The following CNTN4 variants were observed in gnomAD, a reference collection of about 807,000 sequenced individuals.
CNTN4 encodes contactin 4, also known as contactin-4.
A neutral mutation model predicts 122.5 loss-of-function variants in CNTN4; 77 were observed. The observed-to-expected ratio is 0.63, with a 90% CI of 0.52 to 0.76. The LOEUF (loss-of-function observed/expected upper bound fraction) is 0.76, where lower values mean the gene tolerates loss of function less well. Among genes scored for constraint, CNTN4 ranks in the 30% least tolerant of loss-of-function variants. CNTN4 has a pLI of 0.00. For synonymous variants in CNTN4, 512 were observed against 447.0 expected (o/e 1.15, Z -1.83); for missense variants, 1,256 against 1,259.1 (o/e 1.00, Z 0.04).
chr3:2,404,977 C>T (rs947518775), intron 3 of CNTN4, among the ~76,000 whole-genome samples: 1 of 152,142 alleles, frequency 6.6e-6, no homozygotes, highest in African/African-American at 2.4e-5. Flanking sequence ...ATCAGATACA[C>T]AGGGAGTATA....
At chr3:2,177,189 C>T (rs1310332304) in intron 2 of CNTN4, among the ~76,000 whole-genome samples, 1 of 152,078 alleles carries the variant, frequency 6.6e-6, no homozygotes, top group Non-Finnish European at 1.5e-5. Context: ...AGTGTTTTCT[C>T]AAAAGAGCTC....
chr3:2,309,379 G>A (rs2042833077), intron 2 of CNTN4, among the ~76,000 whole-genome samples: 2 of 152,120 alleles, frequency 1.3e-5, no homozygotes, highest in African/African-American at 4.8e-5. Flanking sequence ...ACAATATATA[G>A]TTAGATCATG....
intron 4 of CNTN4, among the ~76,000 whole-genome samples, chr3:2,659,329 G>C (rs1400601478): frequency 6.6e-6 from 1 of 151,788 alleles, no homozygotes; most frequent in African/African-American, 2.4e-5. Context: ...AGGTGTAATG[G>C]TACATGTCTG....
rs149401675 is a variant in CNTN4, at chr3:2,255,458, C to G, written c.-144-83720C>G. Among the ~76,000 whole-genome samples, 572 of 152,252 alleles carry G rather than the reference C, an allele frequency of 3.8e-3. 2 individuals are homozygous for G. Among genetic ancestry groups the G allele is most frequent in the Middle Eastern group, 0.014 (4 of 294 alleles). On this transcript the variant is annotated intron_variant, in intron 2 of 24. Transcript: ENST00000418658. Reference sequence around the variant, plus strand: ...ATCTAATAGACATCCACAGAACTCTCCACCCCAAATCCACAGAATATACAT... The same window carrying G: ...ATCTAATAGACATCCACAGAACTCTGCACCCCAAATCCACAGAATATACAT...
chr3:2,928,450 A>C (rs530688636), intron 13 of CNTN4, among the ~76,000 whole-genome samples: 1 of 152,322 alleles, frequency 6.6e-6, no homozygotes, highest in Admixed American at 6.5e-5. Flanking sequence ...CTGATGAGTA[A>C]AAAATTTTAG....
intron 2 of CNTN4, among the ~76,000 whole-genome samples, chr3:2,127,958 A>G (rs957537034): frequency 2.6e-5 from 4 of 152,254 alleles, no homozygotes; most frequent in African/African-American, 9.6e-5. Flanking sequence ...TCTTTCAAGC[A>G]GAGCGAGGAA....
chr3:2,753,064 T>G (rs547331547), intron 6 of CNTN4, among the ~76,000 whole-genome samples: 3 of 152,232 alleles, frequency 2.0e-5, no homozygotes, highest in Non-Finnish European at 4.4e-5. Flanking sequence ...CTATTGTCAA[T>G]AGTGCTGCAA....
rs575520855 is a variant in CNTN4 at position 3,043,456 on chromosome 3, T to C, written c.2699-136T>C. On this transcript the variant is annotated intron_variant, in intron 22 of 24. Transcript: ENST00000418658. The stretch of plus-strand genomic sequence containing the variant: ...TGCAATGCTGTATCTCATCAGATTT[T>C]AGTGACCTTGAAGACACATATTAGT... 3,166 of 755,216 alleles carry C rather than the reference T, an allele frequency of 4.2e-3. 19 individuals carry two copies. Among genetic ancestry groups the C allele is most frequent in the Non-Finnish European group, 3.9e-3 (1,645 of 425,194 alleles). 46.8% of individuals were successfully genotyped at this position (755,216 alleles called of 1,614,324 possible).
intron 3 of CNTN4, among the ~76,000 whole-genome samples, chr3:2,348,916 C>A (rs2044504227): frequency 6.6e-6 from 1 of 152,136 alleles, no homozygotes; most frequent in East Asian, 1.9e-4. Context: ...GCTTCCCCAT[C>A]TATAAAATCA....
At chr3:2,331,448 C>G (rs1471560315) in intron 2 of CNTN4, among the ~76,000 whole-genome samples, 1 of 152,122 alleles carries the variant, frequency 6.6e-6, no homozygotes, top group Non-Finnish European at 1.5e-5. Flanking sequence ...CATGAGATGA[C>G]AGTAACAAAC....
chr3:2,175,708 C>G (rs1449159833), intron 2 of CNTN4, among the ~76,000 whole-genome samples: 3 of 152,082 alleles, frequency 2.0e-5, no homozygotes, highest in African/African-American at 7.2e-5. Context: ...CCCCAAAGGA[C>G]TGTGATCCTT....
At chr3:2,935,869 A>G (rs2094563370) in intron 13 of CNTN4, among the ~76,000 whole-genome samples, 1 of 152,176 alleles carries the variant, frequency 6.6e-6, no homozygotes, top group Non-Finnish European at 1.5e-5. Context: ...CTTGTATGAA[A>G]TGAATGAACC....
chr3:2,355,554 G>A (rs1191016937), intron 3 of CNTN4, among the ~76,000 whole-genome samples: 1 of 152,116 alleles, frequency 6.6e-6, no homozygotes, highest in Non-Finnish European at 1.5e-5. Context: ...CTATTTCAGG[G>A]ACCCTGTGGC....
chr3:3,029,958 G>A (rs1056003215), intron 15 of CNTN4, among the ~76,000 whole-genome samples: 1 of 152,128 alleles, frequency 6.6e-6, no homozygotes, highest in Non-Finnish European at 1.5e-5. Context: ...GTTTGGAATG[G>A]GAAAATGAAG....
intron 3 of CNTN4, among the ~76,000 whole-genome samples, chr3:2,523,840 AC>A (rs2077306707): frequency 6.6e-6 from 1 of 152,016 alleles, no homozygotes; most frequent in Non-Finnish European, 1.5e-5. Context: ...CATCAAAATA[AC>A]CCTTGTTTTG....
chr3:2,810,723 A>G lies in CNTN4; in HGVS notation c.359-8763A>G, dbSNP rs115674409. 4.0e-3 allele frequency among the ~76,000 whole-genome samples: 617 copies of G among 152,368 alleles called. 2 individuals are homozygous for G. Among genetic ancestry groups the G allele is most frequent in the African/African-American group, 0.014 (583 of 41,592 alleles). ...TTACTTGTTAAGTGAAAGCAACCTG[A>G]TTGAATTAATTCACTCTTCACTGAA... is the stretch of plus-strand genomic sequence containing the variant. On this transcript the variant is annotated intron_variant, in intron 6 of 24. Coordinates refer to ENST00000418658, the MANE Select transcript of CNTN4 (RefSeq NM_175607.3).
At chr3:2,226,438 G>A (rs2039286644) in intron 2 of CNTN4, among the ~76,000 whole-genome samples, 1 of 152,172 alleles carries the variant, frequency 6.6e-6, no homozygotes, top group East Asian at 1.9e-4. Context: ...TACATACAGA[G>A]CAGGAGCTAC....
intron 4 of CNTN4, among the ~76,000 whole-genome samples, chr3:2,590,209 C>T (rs1275843380): frequency 2.6e-5 from 4 of 152,122 alleles, no homozygotes; most frequent in African/African-American, 9.7e-5. Flanking sequence ...ATGGAGAATC[C>T]CAAGTGATCA....
intron 2 of CNTN4, among the ~76,000 whole-genome samples, chr3:2,258,561 T>C (rs2040693756): frequency 6.6e-6 from 1 of 152,194 alleles, no homozygotes; most frequent in African/African-American, 2.4e-5. Context: ...CCTACCTTTT[T>C]AATCATCTCA....
Sources: gnomAD v4.1 joint callset for allele counts (sites outside exome capture counted in the v4.1 genomes callset) on GRCh38, gnomAD v4.1.1 for gene constraint, MANE v1.5 for transcripts, NCBI Gene and HGNC (gene_info 2026-07-23, HGNC 2026-07-21) for gene names.